Variants in LINGO2 observed in about 807,000 individuals in gnomAD.
LINGO2 encodes the protein leucine-rich repeat and immunoglobulin-like domain-containing nogo receptor-interacting protein 2.
In LINGO2, 14 loss-of-function variants were observed where a neutral mutation model predicts 30.6. That is an observed-to-expected ratio of 0.46 (90% confidence interval 0.30 to 0.72). The LOEUF (loss-of-function observed/expected upper bound fraction) is 0.72, where lower values mean the gene tolerates loss of function less well. Ranked by LOEUF, LINGO2 falls within the 30% of genes least tolerant of loss-of-function variation. The pLI, the probability that LINGO2 is intolerant of heterozygous loss-of-function variation, is 0.07. For synonymous variants in LINGO2, 317 were observed against 288.5 expected (o/e 1.10, Z -1.00); for missense variants, 729 against 751.7 (o/e 0.97, Z 0.35).
intron 1 of LINGO2, among the ~76,000 whole-genome samples, chr9:28,650,919 G>A (rs116955739): frequency 0.022 from 3,348 of 152,222 alleles, 56 homozygotes; most frequent in Non-Finnish European, 0.035. Context: ...GGCTGGATGC[G>A]ATGGCTTACG....
At chr9:28,700,332 AT>A in the LINGO2 span, among the ~76,000 whole-genome samples, 1 of 151,980 alleles carries the variant, frequency 6.6e-6, no homozygotes, top group Non-Finnish European at 1.5e-5. Context: ...AACCACCAAT[AT>A]TTTTACTTTT....
At chr9:29,173,620 G>A in the LINGO2 span, among the ~76,000 whole-genome samples, 1 of 152,048 alleles carries the variant, frequency 6.6e-6, no homozygotes, top group African/African-American at 2.4e-5. Context: ...ATCTGCCATT[G>A]GAAAACCATG....
intron 4 of LINGO2, among the ~76,000 whole-genome samples, chr9:28,247,418 C>T (rs992710667): frequency 2.6e-5 from 4 of 152,012 alleles, no homozygotes; most frequent in Admixed American, 2.6e-4. Context: ...ATTATGCAGC[C>T]ACAAAAAGGA....
chr9:28,714,324 A>C, the LINGO2 span, among the ~76,000 whole-genome samples: 3 of 151,750 alleles, frequency 2.0e-5, no homozygotes, highest in African/African-American at 7.3e-5. Flanking sequence ...TGGTAGCAAA[A>C]ATACCAGCAG....
chr9:28,097,716 A>G (rs1209115479), intron 4 of LINGO2, among the ~76,000 whole-genome samples: 8 of 148,886 alleles, frequency 5.4e-5, no homozygotes, highest in African/African-American at 1.7e-4. Context: ...GGATAGCATT[A>G]GGAGATATAC....
chr9:28,288,798 T>G (rs1823613403), intron 4 of LINGO2, among the ~76,000 whole-genome samples: 1 of 152,060 alleles, frequency 6.6e-6, no homozygotes, highest in African/African-American at 2.4e-5. Context: ...GTTACATAGG[T>G]GAGAATGCCC....
intron 1 of LINGO2, among the ~76,000 whole-genome samples, chr9:28,562,446 G>A (rs1443302220): frequency 1.3e-5 from 1 of 75,932 alleles, no homozygotes; most frequent in African/African-American, 6.0e-5. Context: ...TAAGCAATGT[G>A]CATTTACTTT....
chr9:28,283,237 T>G (rs1021656875), intron 4 of LINGO2, among the ~76,000 whole-genome samples: 15 of 152,180 alleles, frequency 9.9e-5, no homozygotes, highest in Admixed American at 7.9e-4. Context: ...TATATACATT[T>G]ACGTACAAAA....
At chr9:28,976,347 C>T in the LINGO2 span, among the ~76,000 whole-genome samples, 4 of 152,252 alleles carry the variant, frequency 2.6e-5, no homozygotes, top group African/African-American at 4.8e-5. Flanking sequence ...TATTCCCAAA[C>T]CATCTCAGAA....
At chr9:28,860,631 A>G in the LINGO2 span, among the ~76,000 whole-genome samples, 1 of 151,076 alleles carries the variant, frequency 6.6e-6, no homozygotes, top group Non-Finnish European at 1.5e-5. Context: ...CTCTATATAT[A>G]AAGATGCATA....
chr9:28,743,756 G>C, the LINGO2 span, among the ~76,000 whole-genome samples: 1 of 150,908 alleles, frequency 6.6e-6, no homozygotes, highest in African/African-American at 2.4e-5. Flanking sequence ...TATTTATATT[G>C]TCTTCCAAAA....
the LINGO2 span, among the ~76,000 whole-genome samples, chr9:28,930,837 T>G: frequency 2.0e-5 from 3 of 152,352 alleles, no homozygotes; most frequent in South Asian, 6.2e-4. The surrounding 1 kb of genome is among the most constrained non-coding windows in gnomAD (Gnocchi z 4.2). Flanking sequence ...ACCAGGCTAA[T>G]GTACGGCACA....
intron 2 of LINGO2, among the ~76,000 whole-genome samples, chr9:28,471,861 C>A (rs1825533635): frequency 1.3e-5 from 2 of 152,120 alleles, no homozygotes. Context: ...GGTCCAAAAT[C>A]TGGTCATGAT....
the LINGO2 span, among the ~76,000 whole-genome samples, chr9:29,004,787 A>G: frequency 6.6e-6 from 1 of 151,830 alleles, no homozygotes; most frequent in Non-Finnish European, 1.5e-5. Flanking sequence ...AAACATCAAG[A>G]AATCAAAACA....
chr9:28,311,279 G>T (rs1375048198), intron 3 of LINGO2, among the ~76,000 whole-genome samples: 1 of 152,110 alleles, frequency 6.6e-6, no homozygotes, highest in Non-Finnish European at 1.5e-5. Flanking sequence ...GAGATCACAG[G>T]ACCACAGGAC....
chr9:27,954,474 A>G (rs1460692805), intron 5 of LINGO2, among the ~76,000 whole-genome samples: 1 of 152,094 alleles, frequency 6.6e-6, no homozygotes, highest in Non-Finnish European at 1.5e-5. Flanking sequence ...GGCTTAATTC[A>G]CTTACTATAA....
At chr9:28,807,286 A>C in the LINGO2 span, among the ~76,000 whole-genome samples, 1 of 152,208 alleles carries the variant, frequency 6.6e-6, no homozygotes, top group African/African-American at 2.4e-5. Context: ...GCCTCCCAAA[A>C]GTGCTGGGAT....
chr9:28,390,096 A>T (rs1439898646), intron 2 of LINGO2, among the ~76,000 whole-genome samples: 1 of 152,076 alleles, frequency 6.6e-6, no homozygotes, highest in African/African-American at 2.4e-5. Context: ...ATTTTCTGTA[A>T]TTCTTACAAT....
chr9:29,179,412 A>C, the LINGO2 span, among the ~76,000 whole-genome samples: 2 of 151,578 alleles, frequency 1.3e-5, no homozygotes. Flanking sequence ...CTGAGCATTT[A>C]TTTATTTATT....
Sources: allele counts gnomAD v4.1 joint callset (sites outside exome capture counted in the v4.1 genomes callset), GRCh38; gene constraint gnomAD v4.1.1; non-coding constraint Gnocchi (gnomAD v3.1); transcripts MANE v1.5; gene names NCBI Gene and HGNC (gene_info 2026-07-23, HGNC 2026-07-21).